Variants in TBL1Y observed in about 807,000 individuals in gnomAD.
TBL1Y encodes the protein transducin beta like 1 Y-linked.
TBL1Y carries 15 observed loss-of-function variants against 12.0 expected under a neutral mutation model. That is an observed-to-expected ratio of 1.25 (90% CI 0.83 to 1.92). The LOEUF (loss-of-function observed/expected upper bound fraction) is 1.92, where lower values mean the gene tolerates loss of function less well. Among genes scored for constraint, TBL1Y ranks in the 40% most tolerant of loss-of-function variants. The probability of loss-of-function intolerance (pLI) is 0.00; values close to 1 mark genes in which losing one functional copy is unlikely to be tolerated. For missense variants in TBL1Y, 148 were observed against 116.7 expected, an observed-to-expected ratio of 1.27 and a Z score of -1.24; for synonymous variants, 53 against 42.6, an observed-to-expected ratio of 1.24 and a Z score of -0.95.
intron 7 of TBL1Y, 48 bp from the exon 8 acceptor site, chrY:7,063,849 G>GC: frequency 2.5e-6 from 1 of 394,850 alleles, no homozygotes; most frequent in Non-Finnish European, 3.6e-6. Flanking sequence ...CATTCCCAGA[G>GC]CCCTCACCCT....
intron 2 of TBL1Y, among the ~76,000 whole-genome samples, chrY:6,948,779 C>G (rs2012004373): frequency 3.2e-5 from 1 of 31,185 alleles, no homozygotes; most frequent in Non-Finnish European, 7.6e-5. Context: ...ACCATACACA[C>G]TCATTTAGAT....
At chrY:6,992,114 G>C (rs2012370465) in intron 3 of TBL1Y, among the ~76,000 whole-genome samples, 1 of 33,932 alleles carries the variant, frequency 2.9e-5, no homozygotes, top group South Asian at 6.7e-4. Flanking sequence ...TGCTGTTTCT[G>C]GTCAGTGAAG....
At position 7,059,811 on chromosome Y, in the gene TBL1Y, C is replaced by T. The variant is rs1603045320; in HGVS notation, c.205-4086C>T. 9.0e-5 allele frequency among the ~76,000 whole-genome samples: 3 copies of T among 33,399 alleles called. No individual in the cohort carries two copies. The South Asian group carries it at 2.0e-3, about 23-fold the overall frequency. 89.6% of individuals were successfully genotyped at this position (33,399 alleles called of 37,273 possible). ...AAACACCATTTTATATTTGACAGTG[C>T]TTCCTGTATGGTTTTTATACCAGAT... is the stretch of plus-strand genomic sequence containing the variant. On this transcript the variant is annotated intron_variant, in intron 7 of 18. Transcript: ENST00000383032.
At chrY:7,001,435 C>A in intron 4 of TBL1Y, among the ~76,000 whole-genome samples, 1 of 32,499 alleles carries the variant, frequency 3.1e-5, no homozygotes, top group Non-Finnish European at 7.5e-5. Flanking sequence ...CTGAGTAATA[C>A]GGTGAAACCC....
chrY:7,063,597 G>GGAGTAGGTAATTGGAATGAGTCAGGGTA (rs2012916313), intron 7 of TBL1Y, among the ~76,000 whole-genome samples: 1 of 32,777 alleles, frequency 3.1e-5, no homozygotes, highest in Non-Finnish European at 7.4e-5. Context: ...GAGTCAGGGT[G>GGAGTAGGTAATTGGAATGAGTCAGGGTA]GAGTAGGTAA....
At chrY:6,961,109 G>T in intron 2 of TBL1Y, among the ~76,000 whole-genome samples, 3 of 33,245 alleles carry the variant, frequency 9.0e-5, no homozygotes, top group African/African-American at 3.5e-4. Context: ...ACTTCAATAG[G>T]ATTATCTCTC....
chrY:7,031,201 C>T, intron 6 of TBL1Y, among the ~76,000 whole-genome samples: 4 of 32,733 alleles, frequency 1.2e-4, no homozygotes, highest in African/African-American at 4.8e-4. Context: ...TCAGTGGCCT[C>T]CTCTTTCCAC....
At chrY:7,071,040 G>A in intron 10 of TBL1Y, among the ~76,000 whole-genome samples, 179 bp downstream of exon 10, 1 of 33,829 alleles carries the variant, frequency 3.0e-5, no homozygotes, top group Non-Finnish European at 7.3e-5. Context: ...ATAAGGCCAC[G>A]TCAGGCAGAC....
intron 6 of TBL1Y, among the ~76,000 whole-genome samples, chrY:7,027,447 G>T: frequency 3.0e-5 from 1 of 33,375 alleles, no homozygotes; most frequent in Non-Finnish European, 7.4e-5. Flanking sequence ...ACTTTGGAAG[G>T]CCGAGGCAGG....
intron 4 of TBL1Y, among the ~76,000 whole-genome samples, chrY:7,006,835 T>C (rs2012489979): frequency 3.0e-5 from 1 of 33,521 alleles, no homozygotes; most frequent in African/African-American, 1.2e-4. Context: ...AAGACATTTA[T>C]GCAGCCAAAA....
At chrY:6,938,394 G>C in intron 2 of TBL1Y, among the ~76,000 whole-genome samples, 2 of 33,918 alleles carry the variant, frequency 5.9e-5, no homozygotes, top group Non-Finnish European at 1.5e-4. Context: ...CTAAAATCGA[G>C]ATTTCAGCAG....
At chrY:6,990,716 G>A (rs2012357877) in intron 3 of TBL1Y, among the ~76,000 whole-genome samples, 1 of 30,519 alleles carries the variant, frequency 3.3e-5, no homozygotes, top group Non-Finnish European at 7.8e-5. Context: ...CCACCACCAC[G>A]CCTGGCTAAT....
At chrY:6,930,383 C>A in intron 2 of TBL1Y, among the ~76,000 whole-genome samples, 1 of 33,111 alleles carries the variant, frequency 3.0e-5, no homozygotes, top group Non-Finnish European at 7.4e-5. Flanking sequence ...GCAAGAGGTA[C>A]TTAAGGAAAT....
At chrY:7,040,010 C>A in intron 6 of TBL1Y, among the ~76,000 whole-genome samples, 5 of 33,649 alleles carry the variant, frequency 1.5e-4, no homozygotes, top group African/African-American at 4.6e-4. Flanking sequence ...ACTGAAAAAA[C>A]CACTGATTTA....
At position 7,090,092 on chromosome Y, in the gene TBL1Y, G is replaced by A; in HGVS notation, c.1450G>A (p.Gly484Arg). ...AGTTAGTTACCTTGCCTTGCAGAGT[G>A]GAAGTCTCGTCCACAGCTACCAAGG... is the stretch of plus-strand genomic sequence containing the variant. ...KYVHIWNTQSGSLVHSYQGTG... is the reference protein window; with the variant it reads ...KYVHIWNTQSRSLVHSYQGTG... Residue 484 changes from glycine to arginine, a missense_variant, in exon 18 of 19, where the codon GGA becomes AGA. Gly to Arg is a moderately radical substitution (Grantham distance 125). Coordinates refer to ENST00000383032, the MANE Select transcript of TBL1Y (RefSeq NM_033284.2). 2.5e-6 allele frequency: 1 copy of A among 397,243 alleles called. No homozygotes were observed. Among genetic ancestry groups the A allele is most frequent in the African/African-American group, 6.1e-5 (1 of 16,389 alleles).
intron 8 of TBL1Y, among the ~76,000 whole-genome samples, chrY:7,068,237 G>A (rs2013000599): frequency 9.2e-5 from 3 of 32,578 alleles, no homozygotes; most frequent in Non-Finnish European, 2.2e-4. Flanking sequence ...AGGAGGTGAA[G>A]GTTGCAATGA....
At chrY:7,071,006 G>A in intron 10 of TBL1Y, 145 bp downstream of exon 10, 1 of 187,102 alleles carries the variant, frequency 5.3e-6, no homozygotes, top group Non-Finnish European at 8.6e-6. Context: ...CCACAGAGGT[G>A]GTCTTGGCTT....
At chrY:7,030,575 C>T in intron 6 of TBL1Y, among the ~76,000 whole-genome samples, 1 of 33,567 alleles carries the variant, frequency 3.0e-5, no homozygotes, top group Admixed American at 2.7e-4. Context: ...GGGTTCCTAC[C>T]GGCTGGACCA....
intron 4 of TBL1Y, among the ~76,000 whole-genome samples, chrY:6,997,748 C>T (rs747196240): frequency 2.9e-5 from 1 of 34,106 alleles, no homozygotes; most frequent in African/African-American, 1.1e-4. Context: ...CAATTATTGG[C>T]TTGGATGGGG....
Sources: gnomAD v4.1 joint callset for allele counts (sites outside exome capture counted in the v4.1 genomes callset) on GRCh38, gnomAD v4.1.1 for gene constraint, MANE v1.5 for transcripts, NCBI Gene and HGNC (gene_info 2026-07-23, HGNC 2026-07-21) for gene names.